The following KIFAP3 variants were observed in gnomAD, a reference collection of about 807,000 sequenced individuals.
The protein encoded by KIFAP3 is kinesin-associated protein 3.
Under a neutral mutation model 106.5 loss-of-function variants are expected in KIFAP3, and 68 were observed. The ratio of observed to expected loss-of-function variants is 0.64; its 90% CI spans 0.53 to 0.78. The LOEUF (loss-of-function observed/expected upper bound fraction) is 0.78. KIFAP3 is among the 30% of genes least tolerant of loss of function. The pLI is 0.00. For missense variants in KIFAP3, 780 were observed against 941.8 expected, an observed-to-expected ratio of 0.83 and a Z score of 2.25; for synonymous variants, 320 against 311.5, an observed-to-expected ratio of 1.03 and a Z score of -0.29.
chr1:170,043,505 C>T (rs926605569), intron 3 of KIFAP3, among the ~76,000 whole-genome samples: 2 of 152,104 alleles, frequency 1.3e-5, no homozygotes, highest in South Asian at 2.1e-4. Flanking sequence ...ATGGGACTGG[C>T]ATTATGATGA....
In KIFAP3 at chr1:169,956,306, TATAAA is replaced by T. The variant is rs1665010126; in HGVS notation, c.2174-2201_2174-2197del. 2.6e-5 allele frequency among the ~76,000 whole-genome samples: 4 copies of T among 152,164 alleles called. No individual in the cohort carries two copies. The South Asian group carries it at 6.2e-4, about 24-fold the overall frequency. ...TGAATTATGTAAAAAAGTTTATACT[TATAAA>T]ATATGACATAGTGAAGTGATCCAGA... On this transcript the variant is annotated intron_variant, in intron 18 of 19. Transcript: ENST00000361580.
chr1:169,969,434 G>T (rs987303479), intron 17 of KIFAP3, among the ~76,000 whole-genome samples: 2 of 151,822 alleles, frequency 1.3e-5, no homozygotes, highest in South Asian at 4.1e-4. Context: ...AAGCTATATT[G>T]GTTTCTTTCC....
At chr1:170,032,598 A>G (rs539702111) in intron 7 of KIFAP3, among the ~76,000 whole-genome samples, 9 of 151,846 alleles carry the variant, frequency 5.9e-5, no homozygotes, top group East Asian at 1.9e-4. Context: ...ATCCCCAAGC[A>G]TATGAGTCAA....
intron 10 of KIFAP3, among the ~76,000 whole-genome samples, chr1:170,006,115 T>C (rs977663915): frequency 6.6e-6 from 1 of 152,184 alleles, no homozygotes; most frequent in Non-Finnish European, 1.5e-5. Flanking sequence ...TTTTATCCCC[T>C]AACTTTCTAA....
chr1:169,926,095 T>TG (rs1571501454), intron 19 of KIFAP3, among the ~76,000 whole-genome samples: 1 of 152,200 alleles, frequency 6.6e-6, no homozygotes, highest in South Asian at 2.1e-4. Context: ...ACAACATCCT[T>TG]GACAGGGTCT....
rs16862760 is a variant in KIFAP3 at position 169,927,210 on chromosome 1, A to G, written c.2274-5429T>C. Among the ~76,000 whole-genome samples the G allele has an allele frequency of 6.4e-3, 970 of 152,270 alleles. 12 individuals are homozygous for G. The highest frequency in any genetic ancestry group is 0.022 in the African/African-American group (897 of 41,552). On this transcript the variant is annotated intron_variant, in intron 19 of 19. Coordinates refer to ENST00000361580, the MANE Select transcript of KIFAP3 (RefSeq NM_014970.4). Reference sequence around the variant, plus strand: ...TAGTAGAAACATTTATTGAGTTCCTACAATGTGGTTAAGTATAGTTTTTGA... The same window carrying G: ...TAGTAGAAACATTTATTGAGTTCCTGCAATGTGGTTAAGTATAGTTTTTGA...
intron 1 of KIFAP3, among the ~76,000 whole-genome samples, chr1:170,063,528 G>C (rs1671287626): frequency 6.6e-6 from 1 of 152,134 alleles, no homozygotes; most frequent in Admixed American, 6.6e-5. Context: ...TTTGGGGGAG[G>C]CTTGTATGAG....
At chr1:169,954,448 CAGTA>C (rs1291347163) in intron 18 of KIFAP3, among the ~76,000 whole-genome samples, 2 of 151,998 alleles carry the variant, frequency 1.3e-5, no homozygotes, top group African/African-American at 4.8e-5. Context: ...TGGGGACAGA[CAGTA>C]AGGATGGTTC....
rs182883320 is a variant in KIFAP3, at chr1:169,935,551, A to G, written c.2274-13770T>C. Among the ~76,000 whole-genome samples, 754 of 152,150 alleles carry G rather than the reference A, an allele frequency of 5.0e-3. 11 individuals carry two copies. Among genetic ancestry groups the G allele is most frequent in the African/African-American group, 0.017 (702 of 41,560 alleles). On this transcript the variant is annotated intron_variant, in intron 19 of 19. Transcript: ENST00000361580. ...TAAGATACATTGTATTTCATAAAAT[A>G]TAATGTTGACTTATGTTCATAAAAA...
intron 19 of KIFAP3, among the ~76,000 whole-genome samples, chr1:169,948,025 A>G (rs1051498236): frequency 6.6e-6 from 1 of 151,432 alleles, no homozygotes; most frequent in Non-Finnish European, 1.5e-5. Context: ...ACTACCCTCA[A>G]TGTATCAATT....
intron 19 of KIFAP3, among the ~76,000 whole-genome samples, chr1:169,932,840 A>G (rs1663570464): frequency 6.6e-6 from 1 of 152,024 alleles, no homozygotes; most frequent in Non-Finnish European, 1.5e-5. Flanking sequence ...TGTCTTAAAA[A>G]AATCCTGAAA....
upstream of KIFAP3, among the ~76,000 whole-genome samples, chr1:170,075,587 A>G (rs1671885516): frequency 1.3e-5 from 2 of 152,244 alleles, no homozygotes; most frequent in Admixed American, 1.3e-4. Context: ...GTAAAACACC[A>G]TGTTAAGGCA....
intron 3 of KIFAP3, among the ~76,000 whole-genome samples, chr1:170,039,756 G>A (rs1049252646): frequency 2.0e-5 from 3 of 152,048 alleles, no homozygotes; most frequent in African/African-American, 7.2e-5. Flanking sequence ...ATATAGAATA[G>A]TTGCTAACTG....
chr1:170,055,190 T>A, intron 2 of KIFAP3, 115 bp downstream of exon 2: 9 of 836,028 alleles, frequency 1.1e-5, no homozygotes, highest in Non-Finnish European at 1.6e-5. Context: ...TAAGATGAAG[T>A]ATGCCTGGAA....
At chr1:170,042,605 G>C (rs1670037925) in intron 3 of KIFAP3, among the ~76,000 whole-genome samples, 1 of 152,138 alleles carries the variant, frequency 6.6e-6, no homozygotes, top group Non-Finnish European at 1.5e-5. Context: ...CTTCATAAAG[G>C]GGAGGTACTA....
intron 2 of KIFAP3, among the ~76,000 whole-genome samples, chr1:170,052,998 T>C (rs1020438329): frequency 6.6e-6 from 1 of 152,138 alleles, no homozygotes; most frequent in Non-Finnish European, 1.5e-5. Flanking sequence ...GCCAAGGCAA[T>C]CAGGCAAGAG....
intron 2 of KIFAP3, among the ~76,000 whole-genome samples, chr1:170,052,602 T>C (rs1408717588): frequency 6.6e-6 from 1 of 152,194 alleles, no homozygotes; most frequent in Non-Finnish European, 1.5e-5. Flanking sequence ...AATAAAATAC[T>C]GGCAAGCTGA....
chr1:169,980,462 C>T (rs1486476607), intron 15 of KIFAP3, among the ~76,000 whole-genome samples: 2 of 152,096 alleles, frequency 1.3e-5, no homozygotes, highest in Non-Finnish European at 2.9e-5. Flanking sequence ...AGAATGAGCC[C>T]TGCCCCTTAA....
Position 169,982,856 on chromosome 1 carries a change from C to T in KIFAP3, c.1518G>A (p.Gly506=), listed in dbSNP as rs33943686. The change falls in exon 14 of 20, where the codon GGG becomes GGA. Residue 506 remains glycine, a synonymous_variant. Transcript: ENST00000361580. The stretch of plus-strand genomic sequence containing the variant: ...CATTAGAGATCTGGGCTGCAAGGTC[C>T]CCAACATAATCCTGAATAAAACATA... The part of the protein sequence containing the change: ...PTKNLFIDYV[G]DLAAQISNDE... 480,969 of 1,547,106 alleles carry T rather than the reference C, an allele frequency of 0.31. 79,276 individuals are homozygous for T. The highest frequency in any genetic ancestry group is 0.52 in the East Asian group (21,990 of 42,132).
Sources: gnomAD v4.1 joint callset for allele counts (sites outside exome capture counted in the v4.1 genomes callset) on GRCh38, gnomAD v4.1.1 for gene constraint, MANE v1.5 for transcripts, NCBI Gene and HGNC (gene_info 2026-07-23, HGNC 2026-07-21) for gene names.